AUTS2: variants seen among roughly 807,000 people sequenced by gnomAD.
The protein encoded by AUTS2 is activator of transcription and developmental regulator AUTS2, also known as autism susceptibility gene 2 protein.
AUTS2 carries 17 observed loss-of-function variants against 112.4 expected under a neutral mutation model. That is an observed-to-expected ratio of 0.15 (90% CI 0.10 to 0.23). The LOEUF (loss-of-function observed/expected upper bound fraction) is 0.23. Among genes scored for constraint, AUTS2 ranks in the 10% least tolerant of loss-of-function variants. The pLI is 1.00. For synonymous variants in AUTS2, 751 were observed against 702.7 expected (o/e 1.07, Z -1.09); for missense variants, 1,510 against 1,701.6 (o/e 0.89, Z 1.98).
intron 1 of AUTS2, chr7:69,824,564 G>C (rs1427125856): frequency 6.6e-6 from 1 of 151,746 alleles, no homozygotes; most frequent in East Asian, 1.9e-4. Flanking sequence ...GATCTTGGTT[G>C]GGCTTCACTA....
chr7:70,491,371 CAT>C (rs1487102933), intron 5 of AUTS2, among the ~76,000 whole-genome samples: 1 of 150,384 alleles, frequency 6.6e-6, no homozygotes, highest in African/African-American at 2.4e-5. Flanking sequence ...AGTGCCATCT[CAT>C]AGGCTCATGG....
intron 2 of AUTS2, among the ~76,000 whole-genome samples, chr7:69,968,322 CAG>C (rs920052635): frequency 6.6e-6 from 1 of 152,086 alleles, no homozygotes; most frequent in Non-Finnish European, 1.5e-5. Flanking sequence ...TACTGTCTGT[CAG>C]GGGATTATAT....
At chr7:70,072,356 G>A (rs1802814031) in intron 2 of AUTS2, among the ~76,000 whole-genome samples, 2 of 152,070 alleles carry the variant, frequency 1.3e-5, no homozygotes, top group South Asian at 2.1e-4. Context: ...ATGTGCCTGT[G>A]GATATATATA....
At chr7:70,390,142 G>A (rs772895243) in intron 4 of AUTS2, among the ~76,000 whole-genome samples, 18 of 152,152 alleles carry the variant, frequency 1.2e-4, no homozygotes, top group Non-Finnish European at 1.8e-4. Context: ...CCAATGCACC[G>A]AAGAAGAGAA....
At chr7:70,174,453 G>A (rs982073512) in intron 4 of AUTS2, among the ~76,000 whole-genome samples, 5 of 152,180 alleles carry the variant, frequency 3.3e-5, no homozygotes, top group African/African-American at 1.2e-4. Context: ...ATCTAGCTAA[G>A]ATCATTGATA....
chr7:70,507,774 G>A (rs1799023891), intron 5 of AUTS2, among the ~76,000 whole-genome samples: 1 of 152,124 alleles, frequency 6.6e-6, no homozygotes, highest in South Asian at 2.1e-4. Context: ...TCCAGCCTAG[G>A]TGATGGAGCA....
intron 2 of AUTS2, among the ~76,000 whole-genome samples, chr7:70,024,259 T>C (rs1470445566): frequency 6.6e-6 from 1 of 152,354 alleles, no homozygotes; most frequent in East Asian, 1.9e-4. Context: ...TAATGCAATT[T>C]TGATGCAGCA....
At chr7:70,355,105 G>GGTGT (rs375728125) in intron 4 of AUTS2, among the ~76,000 whole-genome samples, 1,426 of 138,416 alleles carry the variant, frequency 0.01, 27 homozygotes, top group African/African-American at 0.035. Context: ...TGTATGTATG[G>GGTGT]GTGTGTGTGT....
chr7:70,616,771 T>TG (rs55793209), intron 5 of AUTS2, among the ~76,000 whole-genome samples: 1 of 148,562 alleles, frequency 6.7e-6, no homozygotes, highest in Non-Finnish European at 1.5e-5. Context: ...TTTTTTTTTT[T>TG]GATTGGAGAA....
chr7:70,435,888 C>A (rs1336461608), intron 5 of AUTS2, 107 bp downstream of exon 5: 2 of 1,209,292 alleles, frequency 1.7e-6, no homozygotes, highest in Non-Finnish European at 2.4e-6. Flanking sequence ...GTTGACAGGA[C>A]CTTTTCTCTT....
chr7:70,245,132 AAG>A (rs1812833595), intron 4 of AUTS2, among the ~76,000 whole-genome samples: 1 of 99,002 alleles, frequency 1.0e-5, no homozygotes, highest in Non-Finnish European at 2.0e-5. Flanking sequence ...AAAAAAAAAA[AAG>A]TGTGTGTGTG....
intron 1 of AUTS2, among the ~76,000 whole-genome samples, chr7:69,602,090 G>A (rs1193378791): frequency 1.7e-5 from 2 of 120,120 alleles, no homozygotes; most frequent in African/African-American, 6.5e-5. Context: ...GTGTGTGTGT[G>A]TGTATATCTC....
intron 2 of AUTS2, among the ~76,000 whole-genome samples, chr7:70,017,952 T>C (rs969085942): frequency 1.3e-5 from 2 of 151,480 alleles, no homozygotes; most frequent in African/African-American, 4.8e-5. Context: ...CATGGAGAGG[T>C]TAATTGACTC....
chr7:70,441,021 A>T (rs1213848430), intron 5 of AUTS2, among the ~76,000 whole-genome samples: 1 of 152,182 alleles, frequency 6.6e-6, no homozygotes, highest in Non-Finnish European at 1.5e-5. Flanking sequence ...TGAAATTTTG[A>T]CTGCTTAGGA....
At chr7:69,608,288 A>T (rs2129075738) in intron 1 of AUTS2, among the ~76,000 whole-genome samples, 1 of 152,334 alleles carries the variant, frequency 6.6e-6, no homozygotes, top group Middle Eastern at 3.4e-3. Flanking sequence ...ACTGAGTTTT[A>T]GTCATTGCCA....
chr7:70,605,822 A>G (rs1468704410), intron 5 of AUTS2, among the ~76,000 whole-genome samples: 12 of 152,196 alleles, frequency 7.9e-5, no homozygotes, highest in Admixed American at 2.0e-4. Flanking sequence ...CAAAGAGAAG[A>G]TTGGGGATTT....
At chr7:69,915,578 CTT>C (rs1236265535) in intron 2 of AUTS2, among the ~76,000 whole-genome samples, 6 of 152,190 alleles carry the variant, frequency 3.9e-5, no homozygotes, top group African/African-American at 1.4e-4. Flanking sequence ...TCTTGGAACT[CTT>C]AGTACAGGAA....
intron 5 of AUTS2, among the ~76,000 whole-genome samples, chr7:70,671,275 G>C (rs1807626822): frequency 6.6e-6 from 1 of 152,224 alleles, no homozygotes; most frequent in Non-Finnish European, 1.5e-5. Context: ...TGCCTCCCCA[G>C]CTGGGTATTC....
intron 4 of AUTS2, among the ~76,000 whole-genome samples, chr7:70,404,227 A>C (rs922825051): frequency 4.6e-5 from 7 of 152,126 alleles, no homozygotes; most frequent in Non-Finnish European, 7.3e-5. Context: ...TAAGAGATCT[A>C]TCTGGGACTT....
Sources: gnomAD v4.1 joint callset for allele counts (sites outside exome capture counted in the v4.1 genomes callset) on GRCh38, gnomAD v4.1.1 for gene constraint, MANE v1.5 for transcripts, NCBI Gene and HGNC (gene_info 2026-07-23, HGNC 2026-07-21) for gene names.